Variants in ATP10B observed in about 807,000 individuals in gnomAD.
ATP10B encodes ATPase phospholipid transporting 10B (putative).
In ATP10B, 122 loss-of-function variants were observed where a neutral mutation model predicts 141.2. The ratio of observed to expected loss-of-function variants is 0.86; its 90% CI spans 0.75 to 1.00. ATP10B has a LOEUF of 1.00. Among genes scored for constraint, ATP10B ranks in the 50% least tolerant of loss-of-function variants. ATP10B has a pLI of 0.00. For synonymous variants in ATP10B, 685 were observed against 692.0 expected, an observed-to-expected ratio of 0.99 and a Z score of 0.16; for missense variants, 1,876 against 1,825.3, an observed-to-expected ratio of 1.03 and a Z score of -0.51.
chr5:160,882,238 T>A, the ATP10B span, among the ~76,000 whole-genome samples: 16 of 152,154 alleles, frequency 1.1e-4, no homozygotes, highest in African/African-American at 3.1e-4. Flanking sequence ...GAGCAAATCC[T>A]AATGTAAAAC....
In ATP10B at chr5:160,686,233, AG is replaced by A; in HGVS notation, c.315del (p.Trp106GlyfsTer25). 4 of 1,607,862 alleles carry A rather than the reference AG, an allele frequency of 2.5e-6. No individual in the cohort carries two copies. Among genetic ancestry groups the A allele is most frequent in the Non-Finnish European group, 3.4e-6 (4 of 1,175,758 alleles). On this transcript the variant is annotated frameshift_variant, in exon 6 of 26. Coordinates refer to ENST00000327245, the MANE Select transcript of ATP10B (RefSeq NM_025153.3). LOFTEE classifies it high-confidence loss of function. ...NLYFLFLVIL[N>X]WMPSMEVFHR... ...TGGAAGACTTCCATGGAGGGCATCC[AG>A]TTCAAAATCACCAGGAACAGGAAAT...
chr5:160,785,634 T>G lies in ATP10B; in HGVS notation c.-406A>C, dbSNP rs1249354942. 7 of 1,267,644 alleles carry G rather than the reference T, an allele frequency of 5.5e-6. No individual in the cohort carries two copies. The highest frequency in any genetic ancestry group is 7.2e-6 in the Non-Finnish European group (7 of 969,280). 78.5% of individuals were successfully genotyped at this position (1,267,644 alleles called of 1,614,324 possible). A position where few individuals can be genotyped will look rare whatever the true frequency, so the allele number is the denominator to read the frequency against. On this transcript the variant is annotated 5_prime_UTR_variant, in exon 2 of 26. The change abolishes an upstream ATG in the 5' untranslated region. Transcript: ENST00000327245. ...GAAGTCTCAGTGTTTATTGTTCTCA[T>G]CTTTGTGTCCATGTGTAAGAAATGG...
At chr5:160,750,163 A>G (rs1162574863) in intron 2 of ATP10B, among the ~76,000 whole-genome samples, 1 of 152,164 alleles carries the variant, frequency 6.6e-6, no homozygotes, top group African/African-American at 2.4e-5. Flanking sequence ...TCTACATGAA[A>G]TCTCATTCTA....
upstream of ATP10B, among the ~76,000 whole-genome samples, chr5:160,854,898 G>A (rs935852310): frequency 2.0e-5 from 3 of 152,030 alleles, no homozygotes; most frequent in South Asian, 2.1e-4. Context: ...CTTATTCTAC[G>A]AGAGAGAAAA....
intron 8 of ATP10B, among the ~76,000 whole-genome samples, chr5:160,646,734 G>C (rs990039659): frequency 6.6e-6 from 1 of 152,164 alleles, no homozygotes; most frequent in African/African-American, 2.4e-5. Context: ...TAGCATATGA[G>C]AGAGGCTTCT....
chr5:160,600,675 A>C (rs10515813), intron 21 of ATP10B, among the ~76,000 whole-genome samples: 1 of 152,074 alleles, frequency 6.6e-6, no homozygotes, highest in Non-Finnish European at 1.5e-5. Context: ...CTTGTTTTTC[A>C]CTTCTGCCTA....
At chr5:160,589,002 C>A (rs1453045091) in intron 24 of ATP10B, among the ~76,000 whole-genome samples, 1 of 152,040 alleles carries the variant, frequency 6.6e-6, no homozygotes, top group African/African-American at 2.4e-5. Flanking sequence ...CTGAAACACG[C>A]CTGAACTGTT....
intron 10 of ATP10B, among the ~76,000 whole-genome samples, chr5:160,638,037 G>A (rs1464918821): frequency 6.6e-6 from 1 of 152,206 alleles, no homozygotes; most frequent in Non-Finnish European, 1.5e-5. Flanking sequence ...GCACGTGTTG[G>A]ATGGTCAGGA....
At chr5:160,791,932 G>C (rs990882819) in intron 1 of ATP10B, among the ~76,000 whole-genome samples, 1 of 152,100 alleles carries the variant, frequency 6.6e-6, no homozygotes, top group Admixed American at 6.6e-5. Context: ...CTATGAAAAT[G>C]ACTCTAGCTG....
chr5:160,668,106 C>T (rs1762432256), intron 7 of ATP10B, among the ~76,000 whole-genome samples: 1 of 151,914 alleles, frequency 6.6e-6, no homozygotes, highest in South Asian at 2.1e-4. Context: ...GTAGTGCACG[C>T]CTGTAATTCC....
the ATP10B span, among the ~76,000 whole-genome samples, chr5:160,920,961 A>C: frequency 6.6e-6 from 1 of 152,124 alleles, no homozygotes; most frequent in Non-Finnish European, 1.5e-5. Flanking sequence ...TCTCTTTTTA[A>C]AGGTTTAATA....
At chr5:160,601,926 C>T (rs2127625419) in intron 21 of ATP10B, among the ~76,000 whole-genome samples, 1 of 152,296 alleles carries the variant, frequency 6.6e-6, no homozygotes, top group East Asian at 1.9e-4. Flanking sequence ...CCATGGGCTC[C>T]AGGCTTATAT....
chr5:160,861,078 T>C, the ATP10B span, among the ~76,000 whole-genome samples: 2 of 152,086 alleles, frequency 1.3e-5, no homozygotes, highest in Non-Finnish European at 2.9e-5. Flanking sequence ...TATATAATAA[T>C]ACTGTGTTTC....
At chr5:160,810,816 C>T (rs955351571) in intron 1 of ATP10B, among the ~76,000 whole-genome samples, 4 of 152,086 alleles carry the variant, frequency 2.6e-5, no homozygotes, top group Non-Finnish European at 1.5e-5. Context: ...AATAATATTG[C>T]TTTAGTGTCT....
chr5:160,696,194 C>A (rs1357280139), intron 3 of ATP10B, among the ~76,000 whole-genome samples: 2 of 152,126 alleles, frequency 1.3e-5, no homozygotes, highest in Non-Finnish European at 1.5e-5. Flanking sequence ...GCAACCTCTG[C>A]CTCCCAGGTT....
chr5:160,570,319 C>T (rs1040862246), intron 24 of ATP10B, among the ~76,000 whole-genome samples: 5 of 152,062 alleles, frequency 3.3e-5, no homozygotes, highest in Admixed American at 3.3e-4. Context: ...AAATGATTCT[C>T]TTCTAGCTAT....
chr5:160,908,567 T>TTCTC, the ATP10B span, among the ~76,000 whole-genome samples: 1 of 152,204 alleles, frequency 6.6e-6, no homozygotes, highest in East Asian at 1.9e-4. Context: ...TGCTTCCTCC[T>TTCTC]TCTCTTCTAC....
chr5:160,895,629 G>A, the ATP10B span, among the ~76,000 whole-genome samples: 22 of 152,254 alleles, frequency 1.4e-4, no homozygotes, highest in Non-Finnish European at 2.6e-4. Context: ...GTCAATATTA[G>A]ACAGATCAAT....
the ATP10B span, among the ~76,000 whole-genome samples, chr5:160,920,794 T>C: frequency 2.6e-5 from 4 of 152,188 alleles, no homozygotes; most frequent in African/African-American, 9.7e-5. Context: ...TCTAAAAACC[T>C]TGGTGGGACT....
Sources: gnomAD v4.1 joint callset for allele counts (sites outside exome capture counted in the v4.1 genomes callset) on GRCh38, gnomAD v4.1.1 for gene constraint, MANE v1.5 for transcripts, NCBI Gene and HGNC (gene_info 2026-07-23, HGNC 2026-07-21) for gene names.